Variants in TDRD9 observed in about 807,000 individuals in gnomAD.
TDRD9 encodes ATP-dependent RNA helicase TDRD9.
In TDRD9, 124 loss-of-function variants were observed where a neutral mutation model predicts 172.6. The observed-to-expected ratio is 0.72, with a 90% CI of 0.62 to 0.83. The LOEUF is 0.83. Ranked by LOEUF, TDRD9 falls within the 40% of genes least tolerant of loss-of-function variation. TDRD9 has a pLI of 0.00. For synonymous variants in TDRD9, 619 were observed against 617.1 expected, an observed-to-expected ratio of 1.00 and a Z score of -0.05; for missense variants, 1,479 against 1,714.1, an observed-to-expected ratio of 0.86 and a Z score of 2.42.
At position 104,026,769 on chromosome 14, in the gene TDRD9, G is replaced by A. The variant is rs765511433; in HGVS notation, c.3112G>A (p.Ala1038Thr). ...HWSDGASQWF[A>T]SLVSGCTLLV... ...GAGTGACGGGGCCAGCCAGTGGTTC[G>A]CCTCTCTGGTGAGCGGCTGCACCCT... is the stretch of plus-strand genomic sequence containing the variant. The change falls in exon 28 of 36, where the codon GCC becomes ACC. Residue 1038 changes from alanine (A) to threonine (T), a missense_variant. Ala to Thr is a moderately conservative substitution (Grantham distance 58). This residue lies in a region of TDRD9 where 1,413 missense variants were observed against 1,649.1 expected (regional missense o/e 0.86). Coordinates refer to ENST00000409874, the MANE Select transcript of TDRD9 (RefSeq NM_153046.3). 25 of 1,613,958 alleles carry A rather than the reference G, an allele frequency of 1.5e-5. No individual in the cohort carries two copies. Among genetic ancestry groups the A allele is most frequent in the Non-Finnish European group, 1.9e-5 (22 of 1,179,892 alleles).
intron 1 of TDRD9, chr14:103,940,791 C>G (rs188189727): frequency 6.6e-7 from 1 of 1,520,772 alleles, no homozygotes; most frequent in African/African-American, 1.4e-5. Context: ...AAAAACCCCT[C>G]TAGTTGTAAG....
chr14:103,941,486 G>C, intron 1 of TDRD9: 1 of 1,535,194 alleles, frequency 6.5e-7, no homozygotes, highest in Non-Finnish European at 8.7e-7. Flanking sequence ...TAGTTGTGTG[G>C]GGATTCTGGT....
At chr14:104,040,717 CT>C (rs1287286455) in intron 33 of TDRD9, among the ~76,000 whole-genome samples, 2 of 152,198 alleles carry the variant, frequency 1.3e-5, no homozygotes, top group African/African-American at 4.8e-5. Context: ...GGTCCTGCCC[CT>C]CTGCCCTTCT....
At chr14:103,976,196 G>A (rs921207065) in intron 7 of TDRD9, among the ~76,000 whole-genome samples, 3 of 151,946 alleles carry the variant, frequency 2.0e-5, no homozygotes, top group Admixed American at 1.3e-4. Flanking sequence ...AGAATGATAG[G>A]ATTTTATTCT....
intron 34 of TDRD9, among the ~76,000 whole-genome samples, chr14:104,046,972 C>CTTTTATATTCTT (rs1404408969): frequency 2.0e-5 from 3 of 152,154 alleles, no homozygotes; most frequent in Non-Finnish European, 4.4e-5. Context: ...TATTTTTACT[C>CTTTTATATTCTT]TTTTATATTC....
chr14:103,961,762 G>A lies in TDRD9; in HGVS notation c.323-1317G>A, dbSNP rs1446322575. On this transcript the variant is annotated intron_variant, in intron 2 of 35. Transcript: ENST00000409874. ...GACCACGTAACTTTGATTCAAATGT[G>A]GGAAAATAGCCACATTTTAATTACA... Among the ~76,000 whole-genome samples, 4 of 152,040 alleles carry A rather than the reference G, an allele frequency of 2.6e-5. No homozygotes were observed. In the East Asian group the frequency reaches 7.7e-4, roughly 29 times the overall value.
chr14:104,025,698 T>C lies in TDRD9; in HGVS notation c.2853T>C (p.Cys951=), dbSNP rs764525350. 1.9e-6 allele frequency: 3 copies of C among 1,614,050 alleles called. No homozygotes were observed. In the South Asian group the frequency reaches 3.3e-5, roughly 18 times the overall value. The part of the protein sequence containing the change: ...LPTHPHPDLV[C]LAPFADFDKQ... The stretch of plus-strand genomic sequence containing the variant: ...CTCACCCACATCCAGACTTGGTCTG[T>C]CTGGCACCTTTTGCTGATTTTGATA... Residue 951 remains cysteine, a synonymous_variant, in exon 26 of 36, where the codon TGT becomes TGC. Coordinates refer to ENST00000409874, the MANE Select transcript of TDRD9 (RefSeq NM_153046.3).
chr14:103,962,095 C>T (rs1438999967), intron 2 of TDRD9, among the ~76,000 whole-genome samples: 1 of 152,194 alleles, frequency 6.6e-6, no homozygotes, highest in Admixed American at 6.5e-5. Flanking sequence ...ATTTGTAGTG[C>T]AGCCAGAGAG....
chr14:103,987,131 C>T (rs759119363), intron 8 of TDRD9, among the ~76,000 whole-genome samples: 5,770 of 137,098 alleles, frequency 0.042, 263 homozygotes, highest in African/African-American at 0.12. Flanking sequence ...TATACACACA[C>T]ACACACACAC....
Position 104,031,251 on chromosome 14 carries a change from T to C in TDRD9, c.3426T>C (p.Thr1142=). ...GCTTTTCTACCAATAAACTGGGTACTCCAAACTGTAAGGTGATTGTAGGAG... is the reference window on the plus strand; with the variant it reads ...GCTTTTCTACCAATAAACTGGGTACCCCAAACTGTAAGGTGATTGTAGGAG... ...LESFSTNKLG[T]PNCKAELHGP... The change falls in exon 29 of 36, where the codon ACT becomes ACC. Residue 1142 remains threonine, a synonymous_variant. Coordinates refer to ENST00000409874, the MANE Select transcript of TDRD9 (RefSeq NM_153046.3). The C allele has an allele frequency of 6.4e-7, 1 of 1,550,584 alleles. No individual in the cohort carries two copies. The highest frequency in any genetic ancestry group is 8.7e-7 in the Non-Finnish European group (1 of 1,146,558).
At chr14:103,960,599 A>G (rs760418128) in intron 2 of TDRD9, among the ~76,000 whole-genome samples, 2 of 152,238 alleles carry the variant, frequency 1.3e-5, no homozygotes, top group Non-Finnish European at 2.9e-5. Flanking sequence ...CGAGAGCCAC[A>G]CAGCTGGGAA....
intron 2 of TDRD9, among the ~76,000 whole-genome samples, chr14:103,957,851 A>G (rs1259528695): frequency 1.3e-5 from 2 of 152,156 alleles, no homozygotes; most frequent in African/African-American, 2.4e-5. Context: ...AGGACTAGCT[A>G]GATTACAAAT....
At chr14:104,033,584 G>A (rs746136249) in intron 30 of TDRD9, among the ~76,000 whole-genome samples, 3 of 152,178 alleles carry the variant, frequency 2.0e-5, no homozygotes, top group Non-Finnish European at 4.4e-5. Context: ...ACTGTGGGGT[G>A]GACCACACTC....
rs557766317 is a variant in TDRD9, at chr14:103,947,562, C to T, written c.216-8102C>T. 2.0e-5 allele frequency among the ~76,000 whole-genome samples: 3 copies of T among 152,096 alleles called. No individual in the cohort carries two copies. In the South Asian group the frequency reaches 6.2e-4, roughly 32 times the overall value. The stretch of plus-strand genomic sequence containing the variant: ...CCAGATGGTCTGGATCTCCTGACCT[C>T]GTGATCCACCCGCCTTGGCCTCCCA... On this transcript the variant is annotated intron_variant, in intron 1 of 35. Coordinates refer to ENST00000409874, the MANE Select transcript of TDRD9 (RefSeq NM_153046.3).
chr14:104,015,880 C>T (rs886599367), intron 21 of TDRD9, 101 bp from the exon 22 acceptor site: 1 of 777,280 alleles, frequency 1.3e-6, no homozygotes, highest in Non-Finnish European at 2.0e-6. Flanking sequence ...CCATCTTTTA[C>T]ATTTATGGAT....
At chr14:104,004,212 A>G (rs2034357368) in intron 13 of TDRD9, 26 bp from the exon 14 acceptor site, 2 of 1,236,978 alleles carry the variant, frequency 1.6e-6, no homozygotes, top group Non-Finnish European at 2.4e-6. Flanking sequence ...AATGCCAAAC[A>G]CTGTTTGCAC....
At chr14:104,047,472 A>G (rs1302050836) in intron 34 of TDRD9, among the ~76,000 whole-genome samples, 1 of 152,164 alleles carries the variant, frequency 6.6e-6, no homozygotes, top group African/African-American at 2.4e-5. Context: ...TGATATTAAT[A>G]TAGCTACCCC....
At chr14:103,993,058 C>T (rs1458879564) in intron 9 of TDRD9, among the ~76,000 whole-genome samples, 1 of 152,018 alleles carries the variant, frequency 6.6e-6, no homozygotes, top group Non-Finnish European at 1.5e-5. Context: ...CAGCCTCTAC[C>T]TTCTGGGCTG....
At chr14:104,049,945 G>A in intron 35 of TDRD9, 1 of 418,128 alleles carries the variant, frequency 2.4e-6, no homozygotes, top group Non-Finnish European at 4.3e-6. Context: ...AAGGTATGAG[G>A]GTCTGGATTG....
Sources: gnomAD v4.1 joint callset for allele counts (sites outside exome capture counted in the v4.1 genomes callset) on GRCh38, gnomAD v4.1.1 for gene constraint, gnomAD v4.1.1 regional missense constraint, MANE v1.5 for transcripts, NCBI Gene and HGNC (gene_info 2026-07-23, HGNC 2026-07-21) for gene names.